LRP1B: variants seen among roughly 807,000 people sequenced by gnomAD.
LRP1B encodes LDL receptor related protein 1B, also known as low-density lipoprotein receptor-related protein 1B.
LRP1B carries 217 observed loss-of-function variants against 556.6 expected under a neutral mutation model. The ratio of observed to expected loss-of-function variants is 0.39; its 90% CI spans 0.35 to 0.44. LRP1B has a LOEUF of 0.44. LRP1B is among the 20% of genes least tolerant of loss of function. The probability of loss-of-function intolerance (pLI) is 1.00; values close to 1 mark genes in which losing one functional copy is unlikely to be tolerated. For missense variants in LRP1B, 5,053 were observed against 5,620.8 expected, an observed-to-expected ratio of 0.90 and a Z score of 3.23; for synonymous variants, 2,047 against 1,865.8, an observed-to-expected ratio of 1.10 and a Z score of -2.50.
At chr2:141,563,465 C>T (rs1158616211) in intron 2 of LRP1B, among the ~76,000 whole-genome samples, 2 of 151,784 alleles carry the variant, frequency 1.3e-5, no homozygotes, top group African/African-American at 4.8e-5. Context: ...AACAGAGAAA[C>T]ATTAATTAGG....
At chr2:140,490,179 G>A (rs1688641269) in intron 57 of LRP1B, among the ~76,000 whole-genome samples, 1 of 152,046 alleles carries the variant, frequency 6.6e-6, no homozygotes, top group Admixed American at 6.6e-5. Context: ...GGTTCGAGAT[G>A]ATTAATTTAG....
At chr2:141,982,173 G>C (rs780681030) in intron 1 of LRP1B, among the ~76,000 whole-genome samples, 1 of 151,636 alleles carries the variant, frequency 6.6e-6, no homozygotes, top group African/African-American at 2.4e-5. Flanking sequence ...AACTCAATCC[G>C]TACAGTTCTC....
intron 2 of LRP1B, among the ~76,000 whole-genome samples, chr2:141,541,068 A>T (rs1178337320): frequency 6.6e-6 from 1 of 152,040 alleles, no homozygotes; most frequent in East Asian, 1.9e-4. Flanking sequence ...TTCCCTCCAA[A>T]CAAGGAGCTT....
intron 1 of LRP1B, among the ~76,000 whole-genome samples, chr2:142,019,899 G>T (rs1213352829): frequency 6.6e-6 from 1 of 152,092 alleles, no homozygotes. Flanking sequence ...TTTCAGTGAG[G>T]TATTATTTGA....
At chr2:141,885,668 A>G (rs1699090347) in intron 1 of LRP1B, among the ~76,000 whole-genome samples, 1 of 152,208 alleles carries the variant, frequency 6.6e-6, no homozygotes, top group African/African-American at 2.4e-5. Context: ...AACCAAGTGA[A>G]CACATATAGG....
chr2:140,550,002 C>T (rs6430919), intron 43 of LRP1B, among the ~76,000 whole-genome samples: 68,972 of 151,622 alleles, frequency 0.45, 16,332 homozygotes, highest in South Asian at 0.59. Flanking sequence ...CACTCTCCCT[C>T]CCCTAGCCCC....
chr2:141,135,164 A>C, intron 7 of LRP1B, among the ~76,000 whole-genome samples: 1 of 152,008 alleles, frequency 6.6e-6, no homozygotes, highest in Non-Finnish European at 1.5e-5. Context: ...ACAAATAATT[A>C]AATACTTTTA....
At chr2:140,478,923 GT>G (rs1688098517) in intron 59 of LRP1B, among the ~76,000 whole-genome samples, 1 of 151,916 alleles carries the variant, frequency 6.6e-6, no homozygotes, top group Admixed American at 6.6e-5. Context: ...TATATTTTTA[GT>G]TTAGTAATAC....
intron 32 of LRP1B, among the ~76,000 whole-genome samples, chr2:140,807,157 G>T (rs1044701953): frequency 2.6e-4 from 39 of 152,228 alleles, no homozygotes; most frequent in African/African-American, 8.4e-4. Context: ...AATGTCAAAA[G>T]TTGTGAGGAA....
At chr2:140,319,347 T>C (rs1679962394) in intron 82 of LRP1B, among the ~76,000 whole-genome samples, 1 of 152,112 alleles carries the variant, frequency 6.6e-6, no homozygotes, top group East Asian at 1.9e-4. Flanking sequence ...CTAATCTCTC[T>C]CCTAAATGCC....
At chr2:141,489,537 A>G (rs986786467) in intron 2 of LRP1B, among the ~76,000 whole-genome samples, 15 of 152,116 alleles carry the variant, frequency 9.9e-5, no homozygotes, top group African/African-American at 3.6e-4. Context: ...GTTATTTGGG[A>G]AAATTAGTAT....
chr2:141,785,954 G>A (rs1246285346), intron 2 of LRP1B, among the ~76,000 whole-genome samples: 2 of 151,744 alleles, frequency 1.3e-5, no homozygotes, highest in African/African-American at 2.4e-5. Context: ...TACAGTAAAT[G>A]CAATTCACTA....
chr2:140,795,627 A>G (rs891776917), intron 32 of LRP1B, among the ~76,000 whole-genome samples: 25 of 152,186 alleles, frequency 1.6e-4, no homozygotes, highest in African/African-American at 5.8e-4. Flanking sequence ...TCAGGCACTC[A>G]TTATTTTTAA....
intron 41 of LRP1B, among the ~76,000 whole-genome samples, chr2:140,661,696 A>C (rs2105341021): frequency 6.6e-6 from 1 of 152,238 alleles, no homozygotes; most frequent in South Asian, 2.1e-4. Context: ...CCACTGGATT[A>C]AATCCCATGA....
chr2:141,905,341 A>G (rs546705505), intron 1 of LRP1B, among the ~76,000 whole-genome samples: 6 of 151,920 alleles, frequency 3.9e-5, no homozygotes, highest in Non-Finnish European at 5.9e-5. Context: ...TAACATAAAG[A>G]GTGCAAAGGT....
At chr2:141,129,718 T>A (rs957742481) in intron 7 of LRP1B, among the ~76,000 whole-genome samples, 2 of 152,070 alleles carry the variant, frequency 1.3e-5, no homozygotes, top group African/African-American at 4.8e-5. Context: ...AAATATTTTA[T>A]AAGCAGGAAG....
intron 41 of LRP1B, among the ~76,000 whole-genome samples, chr2:140,647,189 G>C (rs972676705): frequency 5.0e-4 from 75 of 150,690 alleles, no homozygotes; most frequent in African/African-American, 1.7e-3. Context: ...GCCTTTAAAT[G>C]CTTTTTTAAA....
chr2:140,754,845 GA>G (rs1688691882), intron 35 of LRP1B, among the ~76,000 whole-genome samples: 1 of 149,904 alleles, frequency 6.7e-6, no homozygotes, highest in African/African-American at 2.4e-5. Flanking sequence ...ATACAGAGAG[GA>G]AAAACAACAG....
chr2:140,712,431 T>G (rs1268284904), intron 37 of LRP1B, among the ~76,000 whole-genome samples: 1 of 152,072 alleles, frequency 6.6e-6, no homozygotes, highest in Non-Finnish European at 1.5e-5. Context: ...CTTGCCTCCC[T>G]GCTTTCTGTC....
Sources: gnomAD v4.1 joint callset for allele counts (sites outside exome capture counted in the v4.1 genomes callset) on GRCh38, gnomAD v4.1.1 for gene constraint, MANE v1.5 for transcripts, NCBI Gene and HGNC (gene_info 2026-07-23, HGNC 2026-07-21) for gene names.